Variants in YWHAE observed in about 807,000 individuals in gnomAD.
The protein encoded by YWHAE is tyrosine 3-monooxygenase/tryptophan 5-monooxygenase activation protein epsilon.
Under a neutral mutation model 30.1 loss-of-function variants are expected in YWHAE, and 4 were observed. The ratio of observed to expected loss-of-function variants is 0.13; its 90% CI spans 0.07 to 0.30. The LOEUF is 0.30. YWHAE is among the 10% of genes least tolerant of loss of function. The pLI, the probability that YWHAE is intolerant of heterozygous loss-of-function variation, is 1.00. For missense variants in YWHAE, 121 were observed against 315.9 expected (o/e 0.38, Z 4.68); for synonymous variants, 118 against 111.8 (o/e 1.06, Z -0.35).
At chr17:1,396,894 T>C (rs2073480256) in intron 1 of YWHAE, among the ~76,000 whole-genome samples, 1 of 150,734 alleles carries the variant, frequency 6.6e-6, no homozygotes, top group South Asian at 2.1e-4. Context: ...AGTACTGGGA[T>C]TACAGGCATG....
chr17:1,394,515 A>C (rs2073438188), intron 1 of YWHAE, among the ~76,000 whole-genome samples: 1 of 149,678 alleles, frequency 6.7e-6, no homozygotes, highest in African/African-American at 2.5e-5. Context: ...CTGAGGCAGG[A>C]GGGTCACTGG....
At chr17:1,367,564 T>C (rs78247343) in intron 1 of YWHAE, among the ~76,000 whole-genome samples, 118 of 152,220 alleles carry the variant, frequency 7.8e-4, no homozygotes, top group African/African-American at 2.7e-3. Context: ...ACAAAAGTAA[T>C]TGCGCATTTT....
chr17:1,350,925 G>A (rs901601534), intron 5 of YWHAE, among the ~76,000 whole-genome samples: 1 of 151,230 alleles, frequency 6.6e-6, no homozygotes, highest in African/African-American at 2.4e-5. Flanking sequence ...TGGGTATGGT[G>A]GCGCACGCCT....
intron 1 of YWHAE, among the ~76,000 whole-genome samples, chr17:1,390,264 A>G (rs1178366254): frequency 2.0e-5 from 3 of 152,242 alleles, no homozygotes; most frequent in African/African-American, 7.2e-5. Context: ...CCAGCTCAAC[A>G]TGACAAAATT....
chr17:1,395,578 G>A (rs1432369776), intron 1 of YWHAE, among the ~76,000 whole-genome samples: 1 of 152,106 alleles, frequency 6.6e-6, no homozygotes, highest in Non-Finnish European at 1.5e-5. Flanking sequence ...TTAAGAAGGA[G>A]AAAAATAAAC....
At chr17:1,380,317 G>A (rs1252877934) in intron 1 of YWHAE, among the ~76,000 whole-genome samples, 1 of 151,994 alleles carries the variant, frequency 6.6e-6, no homozygotes, top group Non-Finnish European at 1.5e-5. Flanking sequence ...TCACGATGTT[G>A]ACCAGGATGG....
chr17:1,375,058 G>C (rs2073102544), intron 1 of YWHAE, among the ~76,000 whole-genome samples: 1 of 152,042 alleles, frequency 6.6e-6, no homozygotes, highest in South Asian at 2.1e-4. Flanking sequence ...CAAGTAACTG[G>C]GACTATAGGT....
chr17:1,365,943 C>A lies in YWHAE; in HGVS notation c.65-885G>T, dbSNP rs1451498928. On this transcript the variant is annotated intron_variant, in intron 1 of 5. Coordinates refer to ENST00000264335, the MANE Select transcript of YWHAE (RefSeq NM_006761.5). ...CTAAAAAATAAAAACAGAGGCTGGGCACAGTGGCTCATGCCTGTAAATCCC... is the reference window on the plus strand; with the variant it reads ...CTAAAAAATAAAAACAGAGGCTGGGAACAGTGGCTCATGCCTGTAAATCCC... 2.0e-5 allele frequency among the ~76,000 whole-genome samples: 3 copies of A among 150,756 alleles called. No individual in the cohort carries two copies. In the Admixed American group the frequency reaches 2.0e-4, roughly 10 times the overall value.
intron 1 of YWHAE, among the ~76,000 whole-genome samples, chr17:1,395,095 A>T (rs2073448894): frequency 6.6e-6 from 1 of 150,874 alleles, no homozygotes; most frequent in South Asian, 2.1e-4. Context: ...TCATCCATGA[A>T]AAAAAAAAAC....
At chr17:1,386,933 AAC>A (rs2073309295) in intron 1 of YWHAE, among the ~76,000 whole-genome samples, 1 of 150,908 alleles carries the variant, frequency 6.6e-6, no homozygotes, top group Admixed American at 6.6e-5. Context: ...CAGTCTGGGC[AAC>A]AGAGTGAGAC....
chr17:1,368,423 G>A (rs1287480210), intron 1 of YWHAE, among the ~76,000 whole-genome samples: 2 of 151,636 alleles, frequency 1.3e-5, no homozygotes, highest in African/African-American at 4.8e-5. Context: ...AATTAGCCAG[G>A]CATGGTGGCA....
intron 1 of YWHAE, among the ~76,000 whole-genome samples, chr17:1,389,827 G>A (rs1239367643): frequency 6.6e-6 from 1 of 151,296 alleles, no homozygotes; most frequent in Non-Finnish European, 1.5e-5. Flanking sequence ...ACCGTACCTG[G>A]CCAATTATTT....
intron 1 of YWHAE, among the ~76,000 whole-genome samples, chr17:1,379,577 A>G (rs1442485049): frequency 6.6e-6 from 1 of 152,356 alleles, no homozygotes; most frequent in African/African-American, 2.4e-5. Context: ...ACATGGAAAG[A>G]ATCTAAGAAT....
chr17:1,369,132 T>C (rs1325577005), intron 1 of YWHAE, among the ~76,000 whole-genome samples: 2 of 152,212 alleles, frequency 1.3e-5, no homozygotes, highest in African/African-American at 2.4e-5. Context: ...GTGGTAAAAT[T>C]ATAGAAGCAA....
intron 1 of YWHAE, among the ~76,000 whole-genome samples, chr17:1,387,641 G>A (rs937119734): frequency 2.0e-4 from 31 of 152,024 alleles, no homozygotes; most frequent in East Asian, 1.9e-4. Context: ...GGCAGTAGGC[G>A]GGGATGGAGT....
At chr17:1,370,856 C>A (rs973093058) in intron 1 of YWHAE, among the ~76,000 whole-genome samples, 1 of 151,804 alleles carries the variant, frequency 6.6e-6, no homozygotes, top group African/African-American at 2.4e-5. Context: ...AAAAATCAGC[C>A]GGGCATGGTG....
intron 1 of YWHAE, among the ~76,000 whole-genome samples, chr17:1,376,647 T>G (rs960304165): frequency 1.3e-5 from 2 of 152,164 alleles, no homozygotes; most frequent in African/African-American, 4.8e-5. Context: ...AACATCCCAG[T>G]AAACCTGATT....
At chr17:1,355,148 A>AAAAAAAAAAAAAAAT (rs1555639303) in intron 4 of YWHAE, among the ~76,000 whole-genome samples, 3 of 76,794 alleles carry the variant, frequency 3.9e-5, no homozygotes, top group Non-Finnish European at 8.0e-5. Context: ...AAAAAAAAAA[A>AAAAAAAAAAAAAAAT]TTTTTTTTTT....
chr17:1,372,424 A>T (rs1215908323), intron 1 of YWHAE, among the ~76,000 whole-genome samples: 3 of 152,206 alleles, frequency 2.0e-5, no homozygotes, highest in Non-Finnish European at 4.4e-5. Flanking sequence ...TCCTTGAAGA[A>T]CTTTTCCTTT....
Sources: gnomAD v4.1 joint callset for allele counts (sites outside exome capture counted in the v4.1 genomes callset) on GRCh38, gnomAD v4.1.1 for gene constraint, MANE v1.5 for transcripts, NCBI Gene and HGNC (gene_info 2026-07-23, HGNC 2026-07-21) for gene names.